The following ROBO2 variants were observed in gnomAD, a reference collection of about 807,000 sequenced individuals.
ROBO2 encodes the protein roundabout homolog 2.
ROBO2 carries 53 observed loss-of-function variants against 160.8 expected under a neutral mutation model. The observed-to-expected ratio is 0.33, with a 90% CI of 0.26 to 0.41. The LOEUF (loss-of-function observed/expected upper bound fraction) is 0.41. Ranked by LOEUF, ROBO2 falls within the 10% of genes least tolerant of loss-of-function variation. The pLI, the probability that ROBO2 is intolerant of heterozygous loss-of-function variation, is 1.00. For synonymous variants in ROBO2, 664 were observed against 611.7 expected (o/e 1.09, Z -1.26); for missense variants, 1,577 against 1,722.4 (o/e 0.92, Z 1.49).
At chr3:77,019,199 C>T (rs2062470739) in intron 2 of ROBO2, among the ~76,000 whole-genome samples, 1 of 152,134 alleles carries the variant, frequency 6.6e-6, no homozygotes, top group Non-Finnish European at 1.5e-5. Context: ...TCTCACAGCT[C>T]TGGGGGCAGG....
intron 2 of ROBO2, among the ~76,000 whole-genome samples, chr3:76,220,412 G>A (rs1314822862): frequency 1.3e-5 from 2 of 152,056 alleles, no homozygotes; most frequent in African/African-American, 4.8e-5. Context: ...GGGGTGACTA[G>A]GATGTAAAAG....
At chr3:76,992,105 T>G (rs578209792) in intron 2 of ROBO2, among the ~76,000 whole-genome samples, 1 of 151,862 alleles carries the variant, frequency 6.6e-6, no homozygotes, top group African/African-American at 2.4e-5. Flanking sequence ...TACTATCCTG[T>G]AGTATAAGCA....
intron 23 of ROBO2, 42 bp from the exon 25 acceptor site, chr3:77,634,828 A>G (rs184639816): frequency 6.3e-7 from 1 of 1,581,934 alleles, no homozygotes; most frequent in African/African-American, 1.3e-5. Context: ...AGTGTGCTAT[A>G]ATGTCATTCT....
intron 2 of ROBO2, among the ~76,000 whole-genome samples, chr3:76,878,107 T>C (rs2072954435): frequency 6.6e-6 from 1 of 152,152 alleles, no homozygotes. Flanking sequence ...TGTCGGAGTA[T>C]GATTCAGTCC....
intron 2 of ROBO2, among the ~76,000 whole-genome samples, chr3:76,494,610 T>C (rs2080035866): frequency 1.3e-5 from 2 of 152,160 alleles, no homozygotes; most frequent in Admixed American, 1.3e-4. Flanking sequence ...TTTTATCTCC[T>C]GTTCTCAGGA....
At chr3:76,213,426 G>C (rs1311052418) in intron 2 of ROBO2, among the ~76,000 whole-genome samples, 2 of 152,052 alleles carry the variant, frequency 1.3e-5, no homozygotes, top group African/African-American at 4.8e-5. Flanking sequence ...GCCAATACTA[G>C]ACTATACTCT....
At chr3:77,336,771 G>A (rs1282374923) in intron 2 of ROBO2, among the ~76,000 whole-genome samples, 1 of 152,164 alleles carries the variant, frequency 6.6e-6, no homozygotes, top group African/African-American at 2.4e-5. Context: ...CACCAAACAG[G>A]CAGACTGTGA....
At chr3:77,319,230 G>T (rs1382418649) in intron 2 of ROBO2, among the ~76,000 whole-genome samples, 1 of 152,162 alleles carries the variant, frequency 6.6e-6, no homozygotes, top group Non-Finnish European at 1.5e-5. Context: ...TAAAGTCACA[G>T]AACTCTGGTT....
At chr3:77,304,918 T>C (rs2062971389) in intron 2 of ROBO2, among the ~76,000 whole-genome samples, 1 of 152,194 alleles carries the variant, frequency 6.6e-6, no homozygotes, top group Admixed American at 6.5e-5. Flanking sequence ...CATTTGTAAG[T>C]CTGCAGTATT....
At chr3:77,410,409 C>G (rs924576290) in intron 2 of ROBO2, among the ~76,000 whole-genome samples, 2 of 152,106 alleles carry the variant, frequency 1.3e-5, no homozygotes, top group Non-Finnish European at 2.9e-5. Flanking sequence ...GGCTGACTCA[C>G]AGAGATGCTG....
At chr3:76,537,761 C>A (rs886381115) in intron 2 of ROBO2, among the ~76,000 whole-genome samples, 2 of 152,074 alleles carry the variant, frequency 1.3e-5, no homozygotes, top group Non-Finnish European at 2.9e-5. Context: ...TGCAAGTGGG[C>A]TGAGTCCGAA....
intron 12 of ROBO2, among the ~76,000 whole-genome samples, chr3:77,566,018 G>A (rs909809935): frequency 4.6e-5 from 7 of 152,044 alleles, no homozygotes; most frequent in Non-Finnish European, 8.8e-5. Flanking sequence ...TCTTCAGAAA[G>A]GGTTAATTAT....
At chr3:76,752,606 A>G (rs1407620992) in intron 2 of ROBO2, among the ~76,000 whole-genome samples, 1 of 151,828 alleles carries the variant, frequency 6.6e-6, no homozygotes, top group Non-Finnish European at 1.5e-5. Context: ...AAGAATTAGA[A>G]TCACATTACA....
At chr3:76,667,320 A>G (rs80054451) in intron 2 of ROBO2, among the ~76,000 whole-genome samples, 653 of 152,282 alleles carry the variant, frequency 4.3e-3, no homozygotes, top group African/African-American at 0.014. Flanking sequence ...CATACACCCA[A>G]TATCAACAAG....
intron 2 of ROBO2, among the ~76,000 whole-genome samples, chr3:76,464,376 G>A (rs2078254381): frequency 6.6e-6 from 1 of 152,030 alleles, no homozygotes; most frequent in Non-Finnish European, 1.5e-5. Flanking sequence ...CTAAGGTACA[G>A]AACAAAACCC....
At chr3:77,296,521 C>G (rs13077422) in intron 2 of ROBO2, among the ~76,000 whole-genome samples, 1 of 152,100 alleles carries the variant, frequency 6.6e-6, no homozygotes, top group South Asian at 2.1e-4. Context: ...TTTTGTTTTG[C>G]TTCTGTTCTC....
intron 14 of ROBO2, 140 bp from the exon 16 acceptor site, chr3:77,577,350 C>T (rs2093795798): frequency 1.1e-6 from 1 of 918,322 alleles, no homozygotes; most frequent in East Asian, 2.5e-5. Flanking sequence ...AAAAAACTGT[C>T]ACTGTTGAAC....
At chr3:77,612,915 T>C (rs1228855759) in intron 21 of ROBO2, among the ~76,000 whole-genome samples, 3 of 151,786 alleles carry the variant, frequency 2.0e-5, no homozygotes, top group African/African-American at 7.3e-5. Context: ...ATCGCGCCAC[T>C]GCACTCCAGC....
At chr3:77,242,096 C>T (rs560011480) in intron 2 of ROBO2, among the ~76,000 whole-genome samples, 11 of 152,206 alleles carry the variant, frequency 7.2e-5, no homozygotes, top group African/African-American at 2.6e-4. Context: ...CAGATGCATG[C>T]TGAAATATGT....
Sources: allele counts gnomAD v4.1 joint callset (sites outside exome capture counted in the v4.1 genomes callset), GRCh38; gene constraint gnomAD v4.1.1; transcripts MANE v1.5; gene names NCBI Gene and HGNC (gene_info 2026-07-23, HGNC 2026-07-21).